CLVS2: variants seen among roughly 807,000 people sequenced by gnomAD.
The protein encoded by CLVS2 is clavesin 2.
A neutral mutation model predicts 29.0 loss-of-function variants in CLVS2; 19 were observed. The ratio of observed to expected loss-of-function variants is 0.66; its 90% CI spans 0.46 to 0.96. CLVS2 has a LOEUF of 0.96. Among genes scored for constraint, CLVS2 ranks in the 40% least tolerant of loss-of-function variants. The pLI is 0.00. For missense variants in CLVS2, 294 were observed against 404.1 expected (o/e 0.73, Z 2.34); for synonymous variants, 161 against 151.3 (o/e 1.06, Z -0.47).
At chr6:123,020,610 T>G (rs1407833486) in intron 3 of CLVS2, among the ~76,000 whole-genome samples, 1 of 152,072 alleles carries the variant, frequency 6.6e-6, no homozygotes, top group Non-Finnish European at 1.5e-5. Flanking sequence ...ACTGTTAAGC[T>G]TCAGCATGTC....
intron 3 of CLVS2, among the ~76,000 whole-genome samples, chr6:123,028,298 G>C (rs1170429328): frequency 6.6e-6 from 1 of 152,140 alleles, no homozygotes; most frequent in East Asian, 1.9e-4. Context: ...GAAAAGTTTA[G>C]TGCAAACATG....
At chr6:123,054,228 CT>C (rs755192488) in intron 4 of CLVS2, among the ~76,000 whole-genome samples, 68 of 152,280 alleles carry the variant, frequency 4.5e-4, no homozygotes, top group Non-Finnish European at 7.6e-4. Flanking sequence ...CATAACTTAA[CT>C]TTCACAGGAA....
rs1167283221 is a variant in CLVS2, at chr6:123,072,234, G to C, written c.*8473G>C. On this transcript the variant is annotated 3_prime_UTR_variant, in exon 6 of 6. Coordinates refer to ENST00000275162, the MANE Select transcript of CLVS2 (RefSeq NM_001010852.4). ...TCAGAACATATATTAAGAAGACACT[G>C]AATTTAAAGAATCAGCAGGTGATGT... The C allele has an allele frequency of 6.6e-6, 1 of 152,002 alleles. No individual in the cohort carries two copies. Among genetic ancestry groups the C allele is most frequent in the East Asian group, 1.9e-4 (1 of 5,190 alleles). 9.4% of individuals were successfully genotyped at this position (152,002 alleles called of 1,614,324 possible).
At chr6:123,012,578 G>A (rs957433964) in intron 3 of CLVS2, among the ~76,000 whole-genome samples, 11 of 151,774 alleles carry the variant, frequency 7.2e-5, no homozygotes, top group African/African-American at 2.4e-4. Context: ...ACTGTGATAA[G>A]TCATTGCAGG....
intron 4 of CLVS2, among the ~76,000 whole-genome samples, chr6:123,050,008 G>A (rs938871001): frequency 6.6e-6 from 1 of 152,168 alleles, no homozygotes; most frequent in Non-Finnish European, 1.5e-5. Flanking sequence ...AGGGCTTACT[G>A]TAAGTGAATT....
intron 3 of CLVS2, among the ~76,000 whole-genome samples, chr6:123,018,595 T>A (rs928113798): frequency 9.9e-5 from 15 of 151,680 alleles, no homozygotes; most frequent in African/African-American, 3.4e-4. Flanking sequence ...TATCCATGAA[T>A]AATACTCTTG....
At chr6:123,051,682 T>C (rs1463436857) in intron 4 of CLVS2, among the ~76,000 whole-genome samples, 2 of 152,212 alleles carry the variant, frequency 1.3e-5, no homozygotes, top group African/African-American at 4.8e-5. Flanking sequence ...CTTTCATCTG[T>C]TCTTTTTCAC....
rs1006499590 is a variant in CLVS2 at position 123,069,690 on chromosome 6, A to G, written c.*5929A>G. 6.6e-6 allele frequency: 1 copy of G among 151,774 alleles called. No individual in the cohort carries two copies. Among genetic ancestry groups the G allele is most frequent in the South Asian group, 2.1e-4 (1 of 4,820 alleles). 9.4% of individuals were successfully genotyped at this position (151,774 alleles called of 1,614,324 possible). A position where few individuals can be genotyped will look rare whatever the true frequency, so the allele number is the denominator to read the frequency against. On this transcript the variant is annotated 3_prime_UTR_variant, in exon 6 of 6. Coordinates refer to ENST00000275162, the MANE Select transcript of CLVS2 (RefSeq NM_001010852.4). ...AGAAAACAAAGAAAAAGCCAGAGAT[A>G]TTGTCTCCACTCTCGTTACAAAAAA...
chr6:122,998,589 C>A (rs1447374338), intron 2 of CLVS2, among the ~76,000 whole-genome samples: 2 of 152,328 alleles, frequency 1.3e-5, no homozygotes, highest in African/African-American at 4.8e-5. Flanking sequence ...TCATCATCAT[C>A]ATCATCCTCT....
At position 123,071,145 on chromosome 6, in the gene CLVS2, C is replaced by T. The variant is rs1487447103; in HGVS notation, c.*7384C>T. ...AGGAATTTTTGTCTGTTTACTACTG[C>T]ATTACTGGTGCCTTGTACAGTCCCT... On this transcript the variant is annotated 3_prime_UTR_variant, in exon 6 of 6. Transcript: ENST00000275162. The T allele has an allele frequency of 6.6e-6, 1 of 151,986 alleles. No individual in the cohort carries two copies. Among genetic ancestry groups the T allele is most frequent in the East Asian group, 1.9e-4 (1 of 5,186 alleles). 9.4% of individuals were successfully genotyped at this position (151,986 alleles called of 1,614,324 possible).
At chr6:123,016,655 C>G (rs902816983) in intron 3 of CLVS2, among the ~76,000 whole-genome samples, 1 of 152,152 alleles carries the variant, frequency 6.6e-6, no homozygotes, top group African/African-American at 2.4e-5. Flanking sequence ...TTGAATAGCT[C>G]TTTGAATTGC....
intron 3 of CLVS2, among the ~76,000 whole-genome samples, chr6:123,013,691 G>A (rs938712657): frequency 1.3e-5 from 2 of 151,354 alleles, no homozygotes; most frequent in African/African-American, 4.9e-5. Flanking sequence ...TTAAGTTTTA[G>A]GGTACATGTG....
At chr6:123,033,934 C>T (rs1775115546) in intron 3 of CLVS2, among the ~76,000 whole-genome samples, 1 of 152,034 alleles carries the variant, frequency 6.6e-6, no homozygotes. Context: ...AAGGAAGAGA[C>T]ACAGATGGCA....
chr6:123,028,614 C>G (rs1207032951), intron 3 of CLVS2, among the ~76,000 whole-genome samples: 1 of 152,190 alleles, frequency 6.6e-6, no homozygotes, highest in African/African-American at 2.4e-5. Flanking sequence ...CAACAAAAGT[C>G]TTTCCTAAAT....
intron 3 of CLVS2, among the ~76,000 whole-genome samples, chr6:123,038,205 C>T (rs988963203): frequency 7.2e-5 from 11 of 151,810 alleles, no homozygotes; most frequent in African/African-American, 2.4e-4. Flanking sequence ...TTTGTGAGTT[C>T]TTCCCTCATC....
At chr6:123,019,531 T>G (rs572486244) in intron 3 of CLVS2, among the ~76,000 whole-genome samples, 4 of 152,094 alleles carry the variant, frequency 2.6e-5, no homozygotes, top group African/African-American at 7.2e-5. Context: ...TATAGCTATA[T>G]CTCTATAACA....
In CLVS2 at chr6:123,066,391, C is replaced by T. The variant is rs76788419; in HGVS notation, c.*2630C>T. On this transcript the variant is annotated 3_prime_UTR_variant, in exon 6 of 6. Coordinates refer to ENST00000275162, the MANE Select transcript of CLVS2 (RefSeq NM_001010852.4). Reference sequence around the variant, plus strand: ...ACACACACACACTCTTACACACACACTAACACACTAGACTGTTTGCCCTAA... The same window carrying T: ...ACACACACACACTCTTACACACACATTAACACACTAGACTGTTTGCCCTAA... 0.027 allele frequency: 4,025 copies of T among 151,624 alleles called. 98 individuals are homozygous for T. The highest frequency in any genetic ancestry group is 0.051 in the Middle Eastern group (15 of 294). 9.4% of individuals were successfully genotyped at this position (151,624 alleles called of 1,614,324 possible).
Position 123,069,558 on chromosome 6 carries a change from T to C in CLVS2, c.*5797T>C, listed in dbSNP as rs892324072. On this transcript the variant is annotated 3_prime_UTR_variant, in exon 6 of 6. Coordinates refer to ENST00000275162, the MANE Select transcript of CLVS2 (RefSeq NM_001010852.4). ...TGGCTCAAACTCAGAGGATTTTCTT[T>C]ACACAGGATTCTTGAGGTTATCAAG... 6.6e-6 allele frequency: 1 copy of C among 151,792 alleles called. No individual in the cohort carries two copies. The highest frequency in any genetic ancestry group is 6.6e-5 in the Admixed American group (1 of 15,178). The allele number at this position is 151,792 out of a possible 1,614,324, so 9.4% of individuals were successfully genotyped here. A position where few individuals can be genotyped will look rare whatever the true frequency, so the allele number is the denominator to read the frequency against.
rs754977750 is a variant in CLVS2, at chr6:123,005,021, G to C, written c.390-5964G>C. On this transcript the variant is annotated intron_variant, in intron 2 of 5. Coordinates refer to ENST00000275162, the MANE Select transcript of CLVS2 (RefSeq NM_001010852.4). ...GTAGGAGGCACCATGGAGAGGGAAA[G>C]AGCACTGGTCTATGTGGTATCAGAA... Among the ~76,000 whole-genome samples the C allele has an allele frequency of 9.9e-5, 15 of 152,006 alleles. No homozygotes were observed. In the Middle Eastern group the frequency reaches 0.021, roughly 210 times the overall value.
Sources: allele counts gnomAD v4.1 joint callset (sites outside exome capture counted in the v4.1 genomes callset), GRCh38; gene constraint gnomAD v4.1.1; transcripts MANE v1.5; gene names NCBI Gene and HGNC (gene_info 2026-07-23, HGNC 2026-07-21).